CACNA1A: variants seen among roughly 807,000 people sequenced by gnomAD.
The protein encoded by CACNA1A is voltage-dependent P/Q-type calcium channel subunit alpha-1A.
CACNA1A carries 57 observed loss-of-function variants against 262.4 expected under a neutral mutation model. The observed-to-expected ratio is 0.22, with a 90% CI of 0.18 to 0.27. The LOEUF is 0.27. Ranked by LOEUF, CACNA1A falls within the 10% of genes least tolerant of loss-of-function variation. The pLI is 1.00. For missense variants in CACNA1A, 2,526 were observed against 3,562.8 expected (o/e 0.71, Z 7.41); for synonymous variants, 1,431 against 1,419.3 (o/e 1.01, Z -0.18).
At chr19:13,463,129 T>C (rs2061155083) in intron 1 of CACNA1A, among the ~76,000 whole-genome samples, 1 of 148,152 alleles carries the variant, frequency 6.7e-6, no homozygotes, top group Non-Finnish European at 1.5e-5. Context: ...AGAAGATAGA[T>C]GGGTTTGCCT....
At chr19:13,497,260 T>G (rs1012843439) in intron 1 of CACNA1A, among the ~76,000 whole-genome samples, 3 of 151,504 alleles carry the variant, frequency 2.0e-5, no homozygotes, top group Admixed American at 6.6e-5. Flanking sequence ...TGAAGCTAGA[T>G]TTCCAAGTAC....
chr19:13,481,778 T>C (rs1979349211), intron 1 of CACNA1A, among the ~76,000 whole-genome samples: 1 of 152,112 alleles, frequency 6.6e-6, no homozygotes, highest in South Asian at 2.1e-4. Flanking sequence ...TCCACCTCCC[T>C]GGACCCAGCC....
intron 24 of CACNA1A, among the ~76,000 whole-genome samples, chr19:13,264,110 C>T (rs546130355): frequency 1.1e-4 from 16 of 152,232 alleles, no homozygotes; most frequent in African/African-American, 3.1e-4. Flanking sequence ...TGGAACTGAG[C>T]TTAGCAATGC....
intron 37 of CACNA1A, chr19:13,224,980 G>T: frequency 2.0e-6 from 1 of 506,090 alleles, no homozygotes; most frequent in Non-Finnish European, 3.5e-6. Context: ...TGTACTTCTG[G>T]TCCCCTGCCC....
intron 1 of CACNA1A, among the ~76,000 whole-genome samples, chr19:13,488,142 C>T (rs1032422797): frequency 1.3e-5 from 2 of 152,070 alleles, no homozygotes; most frequent in Admixed American, 6.6e-5. Context: ...GAGGTGCCAG[C>T]AGGTCTCTAG....
chr19:13,224,096 GTT>G (rs2055341182), intron 38 of CACNA1A, among the ~76,000 whole-genome samples: 2 of 152,166 alleles, frequency 1.3e-5, no homozygotes, highest in Admixed American at 6.5e-5. Flanking sequence ...GAGGTCAGGA[GTT>G]TGAGACCAGA....
chr19:13,275,775 C>A (rs977866780), intron 24 of CACNA1A, 75 bp downstream of exon 24: 44 of 994,644 alleles, frequency 4.4e-5, no homozygotes, highest in African/African-American at 6.4e-5. Context: ...GAGAACATGT[C>A]CTGTAATCCG....
intron 26 of CACNA1A, chr19:13,260,104 A>G (rs1192433360): frequency 6.3e-6 from 1 of 159,612 alleles, no homozygotes; most frequent in Non-Finnish European, 1.4e-5. Context: ...ACTCCTTTTC[A>G]AGGCAGGAAA....
intron 6 of CACNA1A, among the ~76,000 whole-genome samples, chr19:13,354,782 G>A (rs1460781559): frequency 6.6e-6 from 1 of 152,128 alleles, no homozygotes; most frequent in African/African-American, 2.4e-5. Flanking sequence ...GACTGGAGTA[G>A]GGTAGGTTCT....
chr19:13,470,027 G>A (rs190931455), intron 1 of CACNA1A, among the ~76,000 whole-genome samples: 2 of 152,158 alleles, frequency 1.3e-5, no homozygotes, highest in African/African-American at 2.4e-5. Context: ...ATCTGGGCTG[G>A]TGACATTAAA....
At chr19:13,482,482 CA>C (rs34452086) in intron 1 of CACNA1A, among the ~76,000 whole-genome samples, 40 of 141,892 alleles carry the variant, frequency 2.8e-4, no homozygotes, top group Middle Eastern at 3.8e-3. Flanking sequence ...GACTCCGTCT[CA>C]AAAAAAAAAA....
intron 35 of CACNA1A, among the ~76,000 whole-genome samples, chr19:13,230,821 A>AG (rs1281484256): frequency 4.6e-4 from 69 of 151,390 alleles, no homozygotes; most frequent in African/African-American, 8.0e-4. Context: ...AAAAAAAAAA[A>AG]AGAGAGAGAG....
chr19:13,235,559 C>G (rs1332143932), intron 32 of CACNA1A, 55 bp downstream of exon 32: 1 of 1,215,034 alleles, frequency 8.2e-7, no homozygotes, highest in Non-Finnish European at 1.2e-6. Context: ...TCAGCCAGAG[C>G]ATGAGGGTCA....
intron 3 of CACNA1A, among the ~76,000 whole-genome samples, chr19:13,416,001 A>G (rs2060215330): frequency 6.6e-6 from 1 of 152,140 alleles, no homozygotes. Flanking sequence ...GCTGATAAAA[A>G]TATTCTCTAT....
At chr19:13,482,307 C>A (rs529599855) in intron 1 of CACNA1A, among the ~76,000 whole-genome samples, 1 of 151,786 alleles carries the variant, frequency 6.6e-6, no homozygotes, top group Non-Finnish European at 1.5e-5. Context: ...AGCAGTGAAA[C>A]CCCGTCTCTA....
At position 13,234,744 on chromosome 19, in the gene CACNA1A, GAGAAGGGCACGCCCCCTACCGGAAA is replaced by G. The variant is rs1471808389; in HGVS notation, c.5249+152_5249+176del. 1.6e-3 allele frequency: 647 copies of G among 415,464 alleles called. 2 individuals carry two copies. The highest frequency in any genetic ancestry group is 0.015 in the African/African-American group (599 of 40,432). 25.7% of individuals were successfully genotyped at this position (415,464 alleles called of 1,614,324 possible). The stretch of plus-strand genomic sequence containing the variant: ...AAGGCCGGCACGTCCCCTACCGGAA[GAGAAGGGCACGCCCCCTACCGGAAA>G]AGAAGGGTGAGGGCGCGCCCCTGCC... On this transcript the variant is annotated intron_variant, in intron 34 of 46. Transcript: ENST00000360228.
rs1600140554 is a variant in CACNA1A, at chr19:13,236,064, A to C, written c.4951-334T>G. 2.0e-5 allele frequency among the ~76,000 whole-genome samples: 3 copies of C among 152,184 alleles called. No individual in the cohort carries two copies. The South Asian group carries it at 6.2e-4, about 31-fold the overall frequency. The stretch of plus-strand genomic sequence containing the variant: ...ATGGGGAAGAAATAACAAAAGAACA[A>C]GAAAAAGAAAATATATCCGAATCAT... On this transcript the variant is annotated intron_variant, in intron 31 of 46. Coordinates refer to ENST00000360228, the MANE Select transcript of CACNA1A (RefSeq NM_001127222.2). This position sits in a 1 kb window ranked among gnomAD's most constrained non-coding sequence, Gnocchi z 4.6.
At chr19:13,377,993 C>A (rs963060356) in intron 3 of CACNA1A, among the ~76,000 whole-genome samples, 56 of 152,136 alleles carry the variant, frequency 3.7e-4, no homozygotes, top group African/African-American at 1.3e-3. Context: ...CCACAACAAA[C>A]AAACAACAAA....
chr19:13,307,577 A>G, intron 15 of CACNA1A: 1 of 563,010 alleles, frequency 1.8e-6, no homozygotes, highest in Non-Finnish European at 3.1e-6. Flanking sequence ...CCCAGCCACA[A>G]ACTATCTTTC....
Sources: allele counts gnomAD v4.1 joint callset (sites outside exome capture counted in the v4.1 genomes callset), GRCh38; gene constraint gnomAD v4.1.1; non-coding constraint Gnocchi (gnomAD v3.1); transcripts MANE v1.5; gene names NCBI Gene and HGNC (gene_info 2026-07-23, HGNC 2026-07-21).